VAT1L: variants seen among roughly 807,000 people sequenced by gnomAD.
VAT1L encodes vesicle amine transport 1 like, also known as putative NADPH-dependent quinone oxidoreductase VAT1L.
A neutral mutation model predicts 44.1 loss-of-function variants in VAT1L; 34 were observed. That is an observed-to-expected ratio of 0.77 (90% CI 0.59 to 1.03). The LOEUF is 1.03. VAT1L is among the 50% of genes least tolerant of loss of function. The pLI, the probability that VAT1L is intolerant of heterozygous loss-of-function variation, is 0.00. For synonymous variants in VAT1L, 253 were observed against 202.2 expected (o/e 1.25, Z -2.13); for missense variants, 615 against 538.8 (o/e 1.14, Z -1.40).
At chr16:77,972,046 G>C in intron 8 of VAT1L, 113 bp downstream of exon 8, 1 of 934,080 alleles carries the variant, frequency 1.1e-6, no homozygotes, top group Non-Finnish European at 1.6e-6. Flanking sequence ...TGGGCTAGTG[G>C]AGGAGACCAG....
chr16:77,963,523 G>T (rs1339862973), intron 7 of VAT1L, among the ~76,000 whole-genome samples: 2 of 152,104 alleles, frequency 1.3e-5, no homozygotes, highest in Non-Finnish European at 2.9e-5. Flanking sequence ...CTCCAGAACG[G>T]TAAGATAATA....
At chr16:77,833,730 A>G (rs2016607828) in intron 3 of VAT1L, among the ~76,000 whole-genome samples, 1 of 151,964 alleles carries the variant, frequency 6.6e-6, no homozygotes, top group Admixed American at 6.6e-5. Context: ...CGGCCTGGTG[A>G]CAAAGTGAGA....
At chr16:77,867,093 A>G (rs930021863) in intron 4 of VAT1L, among the ~76,000 whole-genome samples, 6 of 152,162 alleles carry the variant, frequency 3.9e-5, no homozygotes, top group African/African-American at 1.4e-4. Context: ...ACCTGAGACA[A>G]TCCTGCAAGG....
intron 1 of VAT1L, among the ~76,000 whole-genome samples, chr16:77,790,884 G>A (rs1404321717): frequency 6.6e-6 from 1 of 152,180 alleles, no homozygotes; most frequent in African/African-American, 2.4e-5. Flanking sequence ...ATGTCAAGAT[G>A]AAGGCCAAGA....
intron 3 of VAT1L, among the ~76,000 whole-genome samples, chr16:77,826,243 C>T (rs975825248): frequency 6.6e-6 from 1 of 151,454 alleles, no homozygotes; most frequent in African/African-American, 2.4e-5. Context: ...GCATTCTCAA[C>T]AGTCTTGGTA....
At chr16:77,909,530 G>A (rs2017475687) in intron 7 of VAT1L, among the ~76,000 whole-genome samples, 1 of 151,250 alleles carries the variant, frequency 6.6e-6, no homozygotes, top group African/African-American at 2.4e-5. Flanking sequence ...CCAGCTACTT[G>A]GGAGGCTGAG....
At chr16:77,917,518 A>G (rs1652316536) in intron 7 of VAT1L, among the ~76,000 whole-genome samples, 1 of 152,216 alleles carries the variant, frequency 6.6e-6, no homozygotes, top group South Asian at 2.1e-4. Flanking sequence ...AATCATTGCA[A>G]TTAAGAAAGC....
intron 7 of VAT1L, among the ~76,000 whole-genome samples, chr16:77,956,761 T>C (rs899439452): frequency 6.6e-5 from 10 of 152,210 alleles, no homozygotes; most frequent in Non-Finnish European, 1.3e-4. Context: ...AACACTTTGG[T>C]TGGCAATGCT....
At chr16:77,803,701 G>T (rs768255231) in intron 1 of VAT1L, among the ~76,000 whole-genome samples, 21 of 152,122 alleles carry the variant, frequency 1.4e-4, no homozygotes, top group Non-Finnish European at 2.4e-4. Flanking sequence ...TTACAGGCGT[G>T]AACCACCATG....
intron 8 of VAT1L, among the ~76,000 whole-genome samples, chr16:77,972,639 G>A (rs2018292927): frequency 1.3e-5 from 2 of 152,006 alleles, no homozygotes; most frequent in African/African-American, 4.8e-5. Context: ...AAATTAGCCG[G>A]GTGTGGTGTC....
At chr16:77,938,672 C>T (rs1040826902) in intron 7 of VAT1L, among the ~76,000 whole-genome samples, 15 of 152,198 alleles carry the variant, frequency 9.9e-5, no homozygotes, top group East Asian at 7.7e-4. Context: ...GAGGCCTCCC[C>T]GGAAGCCAAG....
intron 1 of VAT1L, among the ~76,000 whole-genome samples, chr16:77,812,370 G>T (rs1000657564): frequency 6.6e-6 from 1 of 152,126 alleles, no homozygotes; most frequent in Admixed American, 6.5e-5. Flanking sequence ...ACCATGCCCT[G>T]CCGTTCCCGA....
chr16:77,898,408 G>T (rs1055039400), intron 7 of VAT1L, among the ~76,000 whole-genome samples: 1 of 152,088 alleles, frequency 6.6e-6, no homozygotes, highest in Non-Finnish European at 1.5e-5. Context: ...AATTATAAAG[G>T]GCTAAAGAGA....
intron 7 of VAT1L, among the ~76,000 whole-genome samples, chr16:77,933,534 C>G (rs1032647527): frequency 6.6e-6 from 1 of 152,014 alleles, no homozygotes; most frequent in African/African-American, 2.4e-5. Flanking sequence ...CAAATAATTT[C>G]AACAATGGAA....
At chr16:77,966,808 T>G (rs1370019409) in intron 7 of VAT1L, among the ~76,000 whole-genome samples, 1 of 152,118 alleles carries the variant, frequency 6.6e-6, no homozygotes, top group African/African-American at 2.4e-5. Flanking sequence ...GTGGCAATTT[T>G]TACTAGCCAA....
At chr16:77,852,504 C>T (rs2016817896) in intron 3 of VAT1L, among the ~76,000 whole-genome samples, 1 of 152,168 alleles carries the variant, frequency 6.6e-6, no homozygotes, top group African/African-American at 2.4e-5. Flanking sequence ...CAATAAGGCC[C>T]CTTGCATTTA....
At chr16:77,935,914 G>A (rs896905389) in intron 7 of VAT1L, among the ~76,000 whole-genome samples, 8 of 152,072 alleles carry the variant, frequency 5.3e-5, no homozygotes, top group African/African-American at 1.2e-4. Flanking sequence ...TGAAGTACCC[G>A]GCATTGTCTA....
intron 7 of VAT1L, among the ~76,000 whole-genome samples, chr16:77,964,502 T>G (rs895119827): frequency 3.3e-5 from 5 of 152,174 alleles, no homozygotes; most frequent in African/African-American, 1.2e-4. Context: ...CCTTCCTGCC[T>G]TCCTCTTGCA....
At chr16:77,950,328 A>C (rs1677310) in intron 7 of VAT1L, among the ~76,000 whole-genome samples, 1 of 151,308 alleles carries the variant, frequency 6.6e-6, no homozygotes, top group African/African-American at 2.4e-5. Context: ...AAAATCGCTT[A>C]AACCTGCAAG....
Sources: allele counts gnomAD v4.1 joint callset (sites outside exome capture counted in the v4.1 genomes callset), GRCh38; gene constraint gnomAD v4.1.1; transcripts MANE v1.5; gene names NCBI Gene and HGNC (gene_info 2026-07-23, HGNC 2026-07-21).